The following LUC7L variants were observed in gnomAD, a reference collection of about 807,000 sequenced individuals.
LUC7L encodes LUC7 like, also known as putative RNA-binding protein Luc7-like 1.
LUC7L carries 29 observed loss-of-function variants against 51.1 expected under a neutral mutation model. The observed-to-expected ratio is 0.57, with a 90% CI of 0.42 to 0.77. The LOEUF is 0.77. LUC7L is among the 30% of genes least tolerant of loss of function. The pLI is 0.00. For synonymous variants in LUC7L, 181 were observed against 180.7 expected (o/e 1.00, Z -0.01); for missense variants, 403 against 511.9 (o/e 0.79, Z 2.05).
chr16:199,431 C>T (rs561779246), intron 5 of LUC7L, among the ~76,000 whole-genome samples, 193 bp from the exon 6 acceptor site: 72 of 152,282 alleles, frequency 4.7e-4, no homozygotes, highest in African/African-American at 1.7e-3. Context: ...CGGCCAGGCA[C>T]GGTCCCAGCA....
At chr16:216,507 C>G (rs2049805278) in intron 3 of LUC7L, among the ~76,000 whole-genome samples, 1 of 151,728 alleles carries the variant, frequency 6.6e-6, no homozygotes, top group African/African-American at 2.4e-5. Context: ...CTCAGCCTCC[C>G]AAGTAGCTGG....
chr16:227,314 G>C lies in LUC7L; in HGVS notation c.84C>G (p.Val28=). The change falls in exon 2 of 10, where the codon GTC becomes GTG. Residue 28 remains valine, a synonymous_variant. Transcript: ENST00000293872. ...ARDGDETRQR[V]KFTDDRVCKS... is the part of the protein sequence containing the mutation. ...TGCAGACACGGTCATCTGTAAACTT[G>C]ACCCTCTGTCTGGTTTCGTCTCCTG... The C allele has an allele frequency of 6.2e-7, 1 of 1,610,842 alleles. No homozygotes were observed. Among genetic ancestry groups the C allele is most frequent in the Non-Finnish European group, 8.5e-7 (1 of 1,178,324 alleles).
chr16:193,163 T>C, intron 6 of LUC7L, 148 bp from the exon 7 acceptor site: 1 of 695,528 alleles, frequency 1.4e-6, no homozygotes, highest in South Asian at 1.6e-5. Flanking sequence ...CTTTTTTTTT[T>C]CTCTTTGAAA....
intron 3 of LUC7L, among the ~76,000 whole-genome samples, chr16:218,918 CTG>C (rs1370187777): frequency 1.6e-5 from 2 of 122,544 alleles, no homozygotes; most frequent in African/African-American, 3.1e-5. Flanking sequence ...TAGTAAAACC[CTG>C]TCTCAAAAAA....
chr16:190,678 G>C (rs1373911584), intron 7 of LUC7L, 108 bp from the exon 8 acceptor site: 1 of 972,226 alleles, frequency 1.0e-6, no homozygotes, highest in African/African-American at 1.6e-5. Context: ...TCACGAGCTG[G>C]AGACCAGCCT....
At chr16:210,525 C>A (rs911716824) in intron 3 of LUC7L, among the ~76,000 whole-genome samples, 1 of 152,136 alleles carries the variant, frequency 6.6e-6, no homozygotes, top group Non-Finnish European at 1.5e-5. Flanking sequence ...CAGACAACAG[C>A]CCCTAACAGA....
chr16:220,018 C>T (rs2049922070), intron 3 of LUC7L, among the ~76,000 whole-genome samples: 1 of 152,110 alleles, frequency 6.6e-6, no homozygotes, highest in South Asian at 2.1e-4. Context: ...TGTTGGTGAG[C>T]GTGCAGACAC....
intron 3 of LUC7L, 44 bp from the exon 4 acceptor site, chr16:208,232 G>T: frequency 7.0e-7 from 1 of 1,419,010 alleles, no homozygotes; most frequent in Non-Finnish European, 9.9e-7. Context: ...GATGTGTAAA[G>T]CGTAAAGTCT....
chr16:227,124 T>C, intron 2 of LUC7L, 118 bp downstream of exon 2: 1 of 740,860 alleles, frequency 1.3e-6, no homozygotes, highest in South Asian at 1.7e-5. Context: ...CTGCCATAAT[T>C]AAGCCACTTA....
chr16:228,954 C>A, intron 1 of LUC7L: 1 of 1,409,336 alleles, frequency 7.1e-7, no homozygotes, highest in Non-Finnish European at 9.4e-7. Context: ...CTGATTCCAG[C>A]CCTCCGCCGA....
rs575278592 is a variant in LUC7L at position 229,441 on chromosome 16, C to G, written c.-102G>C. The G allele has an allele frequency of 9.3e-5, 98 of 1,055,116 alleles. No individual in the cohort carries two copies. In the Middle Eastern group the frequency reaches 1.2e-3, roughly 13 times the overall value. 65.4% of individuals were successfully genotyped at this position (1,055,116 alleles called of 1,614,324 possible). The stretch of plus-strand genomic sequence containing the variant: ...TGGTCGCGTCGGCCTCGAGCCCACT[C>G]GGCTCTTTCCCGCCGCGGGGGACGC... On this transcript the variant is annotated 5_prime_UTR_variant, in exon 1 of 10. Coordinates refer to ENST00000293872, the MANE Select transcript of LUC7L (RefSeq NM_201412.3).
chr16:227,522 G>A lies in LUC7L; in HGVS notation c.62-186C>T, dbSNP rs534518294. 103 of 1,422,104 alleles carry A rather than the reference G, an allele frequency of 7.2e-5. No homozygotes were observed. In the African/African-American group the frequency reaches 1.3e-3, roughly 17 times the overall value. 88.1% of individuals were successfully genotyped at this position (1,422,104 alleles called of 1,614,324 possible). A position where few individuals can be genotyped will look rare whatever the true frequency, so the allele number is the denominator to read the frequency against. Reference sequence around the variant, plus strand: ...TGGAATACACATTTTTTTGAGGCTAGTTATATCATGGAGAATCACACTTAA... The same window carrying A: ...TGGAATACACATTTTTTTGAGGCTAATTATATCATGGAGAATCACACTTAA... On this transcript the variant is annotated intron_variant, in intron 1 of 9. Coordinates refer to ENST00000293872, the MANE Select transcript of LUC7L (RefSeq NM_201412.3).
Position 229,403 on chromosome 16 carries a change from C to A in LUC7L, c.-64G>T. On this transcript the variant is annotated 5_prime_UTR_variant, in exon 1 of 10. Coordinates refer to ENST00000293872, the MANE Select transcript of LUC7L (RefSeq NM_201412.3). ...TCTCTCAGGCAGGCGGTGGCAGCGG[C>A]GTCGACAAACGATGGTCGCGTCGGC... 2 of 1,370,320 alleles carry A rather than the reference C, an allele frequency of 1.5e-6. No individual in the cohort carries two copies. Among genetic ancestry groups the A allele is most frequent in the Non-Finnish European group, 1.9e-6 (2 of 1,038,658 alleles). The allele number at this position is 1,370,320 out of a possible 1,614,324, so 84.9% of individuals were successfully genotyped here. A position where few individuals can be genotyped will look rare whatever the true frequency, so the allele number is the denominator to read the frequency against.
chr16:225,486 C>CTTTTTTTT (rs1172177139), intron 2 of LUC7L, among the ~76,000 whole-genome samples: 1 of 99,426 alleles, frequency 1.0e-5, no homozygotes, highest in African/African-American at 3.8e-5. Flanking sequence ...AACTCCGTCT[C>CTTTTTTTT]TTTTTTTTTT....
At chr16:226,938 G>A (rs982059301) in intron 2 of LUC7L, among the ~76,000 whole-genome samples, 1 of 152,204 alleles carries the variant, frequency 6.6e-6, no homozygotes, top group Admixed American at 6.5e-5. Flanking sequence ...GAAAGGAGCA[G>A]TGGCTCATGC....
chr16:203,096 A>T (rs2049379116), intron 5 of LUC7L, among the ~76,000 whole-genome samples: 1 of 152,224 alleles, frequency 6.6e-6, no homozygotes, highest in Non-Finnish European at 1.5e-5. Flanking sequence ...GGTTGCAGCG[A>T]GCCATCGCAC....
chr16:228,332 C>T (rs1415552754), intron 1 of LUC7L: 1 of 1,304,094 alleles, frequency 7.7e-7, no homozygotes, highest in Non-Finnish European at 1.0e-6. Context: ...TTGTGACTCA[C>T]GGCTCGATGA....
chr16:217,902 G>T (rs2049851758), intron 3 of LUC7L, among the ~76,000 whole-genome samples: 1 of 151,512 alleles, frequency 6.6e-6, no homozygotes, highest in African/African-American at 2.4e-5. Context: ...AGCTGGGCGT[G>T]GTGGCGGGTG....
chr16:208,528 A>G (rs1460470478), intron 3 of LUC7L: 9 of 741,500 alleles, frequency 1.2e-5, no homozygotes, highest in Non-Finnish European at 1.4e-5. Context: ...GGAGGGACAG[A>G]AAAGGCTGAG....
Sources: gnomAD v4.1 joint callset for allele counts (sites outside exome capture counted in the v4.1 genomes callset) on GRCh38, gnomAD v4.1.1 for gene constraint, MANE v1.5 for transcripts, NCBI Gene and HGNC (gene_info 2026-07-23, HGNC 2026-07-21) for gene names.